DLGAP1: variants seen among roughly 807,000 people sequenced by gnomAD.
DLGAP1 encodes disks large-associated protein 1.
Under a neutral mutation model 90.8 loss-of-function variants are expected in DLGAP1, and 11 were observed. The ratio of observed to expected loss-of-function variants is 0.12; its 90% confidence interval spans 0.08 to 0.20. DLGAP1 has a LOEUF of 0.20. Ranked by LOEUF, DLGAP1 falls within the 10% of genes least tolerant of loss-of-function variation. The pLI, the probability that DLGAP1 is intolerant of heterozygous loss-of-function variation, is 1.00. For missense variants in DLGAP1, 1,050 were observed against 1,333.8 expected, an observed-to-expected ratio of 0.79 and a Z score of 3.31; for synonymous variants, 558 against 540.7, an observed-to-expected ratio of 1.03 and a Z score of -0.44.
In DLGAP1 at chr18:3,672,533, C is replaced by T. The variant is rs560652248; in HGVS notation, c.1591+56602G>A. 1.8e-4 allele frequency among the ~76,000 whole-genome samples: 23 copies of T among 126,982 alleles called. No individual in the cohort carries two copies. The East Asian group carries it at 3.9e-3, about 21-fold the overall frequency. The allele number at this position is 126,982 out of a possible 152,430, so 83.3% of individuals were successfully genotyped here. On this transcript the variant is annotated intron_variant, in intron 7 of 12. Coordinates refer to ENST00000315677, the MANE Select transcript of DLGAP1 (RefSeq NM_004746.4). ...CAGAGGTTGCGGTGAGCCAAGATCTCGCCATTGCACTCCAGCCTGGGCAAC... is the reference window on the plus strand; with the variant it reads ...CAGAGGTTGCGGTGAGCCAAGATCTTGCCATTGCACTCCAGCCTGGGCAAC...
chr18:4,380,641 CT>C (rs1362575757), intron 1 of DLGAP1, among the ~76,000 whole-genome samples: 1 of 152,184 alleles, frequency 6.6e-6, no homozygotes, highest in Admixed American at 6.6e-5. Flanking sequence ...CATAAACTCT[CT>C]TTTAATCTTT....
At chr18:3,776,510 A>C (rs1193682729) in intron 5 of DLGAP1, among the ~76,000 whole-genome samples, 1 of 152,092 alleles carries the variant, frequency 6.6e-6, no homozygotes, top group Non-Finnish European at 1.5e-5. Context: ...AACCTTTAAC[A>C]TGGGACCAGT....
At chr18:3,749,560 T>C (rs151256519) in intron 5 of DLGAP1, among the ~76,000 whole-genome samples, 3 of 152,320 alleles carry the variant, frequency 2.0e-5, no homozygotes, top group African/African-American at 7.2e-5. Flanking sequence ...TATAATTGTT[T>C]ATATTCTGTT....
chr18:3,684,530 G>A (rs1485462593), intron 7 of DLGAP1, among the ~76,000 whole-genome samples: 1 of 152,008 alleles, frequency 6.6e-6, no homozygotes, highest in Non-Finnish European at 1.5e-5. Flanking sequence ...ATACTGCTTT[G>A]AAAATTAGTG....
chr18:4,204,124 T>C (rs945493527), intron 1 of DLGAP1, among the ~76,000 whole-genome samples: 5 of 152,238 alleles, frequency 3.3e-5, no homozygotes, highest in Non-Finnish European at 4.4e-5. Context: ...TCATCTTCTA[T>C]AATATTTAAC....
intron 1 of DLGAP1, among the ~76,000 whole-genome samples, chr18:4,225,093 T>C (rs993419766): frequency 1.3e-5 from 2 of 151,974 alleles, no homozygotes; most frequent in African/African-American, 4.8e-5. Flanking sequence ...ATCCAGAAAA[T>C]TCTTTTGTAT....
intron 5 of DLGAP1, among the ~76,000 whole-genome samples, chr18:3,773,804 T>C (rs1233854345): frequency 6.6e-6 from 1 of 152,250 alleles, no homozygotes; most frequent in Non-Finnish European, 1.5e-5. Flanking sequence ...AATTCAAGCA[T>C]ATATTAGAGG....
At chr18:3,619,075 C>G (rs970745871) in intron 7 of DLGAP1, among the ~76,000 whole-genome samples, 1 of 152,102 alleles carries the variant, frequency 6.6e-6, no homozygotes, top group African/African-American at 2.4e-5. Flanking sequence ...GCCAGCCACC[C>G]GCAAGCCACA....
At chr18:3,897,998 G>GTC (rs2071685202) in intron 3 of DLGAP1, among the ~76,000 whole-genome samples, 1 of 151,832 alleles carries the variant, frequency 6.6e-6, no homozygotes, top group Non-Finnish European at 1.5e-5. Flanking sequence ...GTTTCACCTT[G>GTC]TTAGCCAGGA....
At chr18:4,116,315 C>G (rs367952208) in intron 2 of DLGAP1, among the ~76,000 whole-genome samples, 2 of 151,996 alleles carry the variant, frequency 1.3e-5, no homozygotes, top group Non-Finnish European at 1.5e-5. Flanking sequence ...ATAATGTGTC[C>G]GAGCGTGAAT....
chr18:3,645,344 ATTTTT>A (rs1299389161), intron 7 of DLGAP1, among the ~76,000 whole-genome samples: 1 of 151,706 alleles, frequency 6.6e-6, no homozygotes, highest in African/African-American at 2.4e-5. Context: ...ATATATATAT[ATTTTT>A]TTAATACAGA....
At chr18:3,535,386 T>C (rs1036502150) in intron 9 of DLGAP1, among the ~76,000 whole-genome samples, 10 of 152,114 alleles carry the variant, frequency 6.6e-5, no homozygotes, top group Non-Finnish European at 7.4e-5. Flanking sequence ...TATTCACTAC[T>C]ATCTTAGTCG....
At chr18:3,870,092 G>A (rs2070651087) in intron 4 of DLGAP1, among the ~76,000 whole-genome samples, 1 of 152,120 alleles carries the variant, frequency 6.6e-6, no homozygotes, top group African/African-American at 2.4e-5. Flanking sequence ...GAGAAATTAA[G>A]CCTTACAGTT....
chr18:4,148,334 T>TA (rs1446275637), intron 2 of DLGAP1, among the ~76,000 whole-genome samples: 2 of 152,164 alleles, frequency 1.3e-5, no homozygotes, highest in Non-Finnish European at 2.9e-5. Context: ...TCTAACAACT[T>TA]AGAGTGGCAT....
chr18:4,180,106 C>T (rs2077181245), intron 1 of DLGAP1, among the ~76,000 whole-genome samples: 1 of 152,198 alleles, frequency 6.6e-6, no homozygotes, highest in South Asian at 2.1e-4. Context: ...ATCATGCGTG[C>T]ATCAAAGATG....
rs1372832483 is a variant in DLGAP1 at position 4,366,706 on chromosome 18, GA to G, written c.-267+88299del. Among the ~76,000 whole-genome samples the G allele has an allele frequency of 4.4e-4, 65 of 147,112 alleles. 1 individual carries two copies. Among genetic ancestry groups the G allele is most frequent in the African/African-American group, 7.0e-4 (28 of 39,998 alleles). ...TTGGCTCTACCTCCCAACGTCCATG[GA>G]AAAAAAAAAATCTCACTATAGGTAA... On this transcript the variant is annotated intron_variant, in intron 1 of 12. Transcript: ENST00000315677.
At chr18:3,856,220 A>G (rs189509153) in intron 4 of DLGAP1, among the ~76,000 whole-genome samples, 1 of 152,352 alleles carries the variant, frequency 6.6e-6, no homozygotes, top group East Asian at 1.9e-4. Context: ...AAGTAAATAC[A>G]AAGAAAAGAA....
intron 3 of DLGAP1, among the ~76,000 whole-genome samples, chr18:3,906,121 T>TG (rs1190403791): frequency 1.2e-4 from 19 of 152,210 alleles, no homozygotes; most frequent in African/African-American, 4.6e-4. Flanking sequence ...TGGGTAAGTG[T>TG]GGATAACAGG....
At chr18:4,295,975 A>C (rs912810431) in intron 1 of DLGAP1, among the ~76,000 whole-genome samples, 8 of 152,230 alleles carry the variant, frequency 5.3e-5, no homozygotes, top group African/African-American at 1.9e-4. Flanking sequence ...CCAGTCATCT[A>C]TTCTCACTGG....
Sources: gnomAD v4.1 joint callset for allele counts (sites outside exome capture counted in the v4.1 genomes callset) on GRCh38, gnomAD v4.1.1 for gene constraint, MANE v1.5 for transcripts, NCBI Gene and HGNC (gene_info 2026-07-23, HGNC 2026-07-21) for gene names.